MOXD1: variants seen among roughly 807,000 people sequenced by gnomAD.
MOXD1 encodes DBH-like monooxygenase protein 1.
Under a neutral mutation model 66.6 loss-of-function variants are expected in MOXD1, and 62 were observed. The observed-to-expected ratio is 0.93, with a 90% CI of 0.76 to 1.15. The LOEUF (loss-of-function observed/expected upper bound fraction) is 1.15, where lower values mean the gene tolerates loss of function less well. Ranked by LOEUF, MOXD1 falls within the 50% of genes most tolerant of loss-of-function variation. The pLI, the probability that MOXD1 is intolerant of heterozygous loss-of-function variation, is 0.00. For missense variants in MOXD1, 847 were observed against 754.6 expected (o/e 1.12, Z -1.44); for synonymous variants, 303 against 281.9 (o/e 1.07, Z -0.75).
chr6:132,326,939 A>G (rs1228182380), intron 6 of MOXD1, among the ~76,000 whole-genome samples: 2 of 152,208 alleles, frequency 1.3e-5, no homozygotes, highest in African/African-American at 2.4e-5. Flanking sequence ...TCTTTTCAAA[A>G]TACAGATCTC....
rs779104889 is a variant in MOXD1 at position 132,322,745 on chromosome 6, A to T, written c.1239T>A (p.Tyr413Ter). 1.9e-6 allele frequency: 3 copies of T among 1,614,072 alleles called. No homozygotes were observed. Among genetic ancestry groups the T allele is most frequent in the Admixed American group, 1.7e-5 (1 of 60,004 alleles). ...RKGKEMKLLA[Y>*]DDDFDFNFQE... ...GGAAATTGAAGTCAAAATCATCATC[A>T]TAGGCAAGTAATTTCATTTCCTTCC... Residue 413 changes from tyrosine to a stop codon, truncating the protein, a stop_gained, in exon 8 of 12, where the codon TAT (tyrosine) becomes TAA (stop). Coordinates refer to ENST00000367963, the MANE Select transcript of MOXD1 (RefSeq NM_015529.4). LOFTEE classifies it high-confidence loss of function.
At chr6:132,378,666 A>G (rs1312438211) in intron 1 of MOXD1, among the ~76,000 whole-genome samples, 2 of 152,108 alleles carry the variant, frequency 1.3e-5, no homozygotes, top group African/African-American at 4.8e-5. Flanking sequence ...TGAGAAACAA[A>G]GTCCTTACAA....
chr6:132,399,811 G>A (rs1421552829), intron 1 of MOXD1, among the ~76,000 whole-genome samples: 5 of 152,106 alleles, frequency 3.3e-5, no homozygotes, highest in African/African-American at 1.2e-4. Flanking sequence ...TTTAAATAAG[G>A]TATTGTCTAC....
At chr6:132,397,516 G>C (rs1369224900) in intron 1 of MOXD1, among the ~76,000 whole-genome samples, 2 of 152,100 alleles carry the variant, frequency 1.3e-5, no homozygotes, top group East Asian at 3.8e-4. Flanking sequence ...AGCTGAAATT[G>C]TGTGTGAGTG....
At chr6:132,334,371 T>C (rs2114595753) in intron 4 of MOXD1, among the ~76,000 whole-genome samples, 1 of 152,298 alleles carries the variant, frequency 6.6e-6, no homozygotes, top group South Asian at 2.1e-4. Context: ...TGTTAGCTCT[T>C]TCACACTTTT....
chr6:132,379,746 T>G (rs552411950), intron 1 of MOXD1, among the ~76,000 whole-genome samples: 2 of 152,216 alleles, frequency 1.3e-5, no homozygotes, highest in Admixed American at 6.5e-5. Flanking sequence ...TGTATTCATA[T>G]TTTACTTGAG....
chr6:132,359,648 G>A (rs1332826351), intron 4 of MOXD1, among the ~76,000 whole-genome samples: 2 of 151,898 alleles, frequency 1.3e-5, no homozygotes, highest in Non-Finnish European at 2.9e-5. Flanking sequence ...CACGAAGCCC[G>A]GCTAATTTTT....
intron 1 of MOXD1, among the ~76,000 whole-genome samples, chr6:132,378,756 C>T (rs1256174377): frequency 6.6e-6 from 1 of 151,794 alleles, no homozygotes; most frequent in African/African-American, 2.4e-5. Flanking sequence ...TAAAAACCTT[C>T]CTAAGAAAAT....
chr6:132,351,186 G>A (rs1775792946), intron 4 of MOXD1, among the ~76,000 whole-genome samples: 2 of 152,174 alleles, frequency 1.3e-5, no homozygotes, highest in South Asian at 4.1e-4. Flanking sequence ...TGCTGAAGAG[G>A]GGTGGTGAGA....
intron 4 of MOXD1, among the ~76,000 whole-genome samples, chr6:132,341,697 C>A (rs1775566628): frequency 6.6e-6 from 1 of 152,212 alleles, no homozygotes; most frequent in African/African-American, 2.4e-5. Context: ...CATTCTTACA[C>A]TTACGATTTC....
At chr6:132,321,135 G>A (rs1196210434) in intron 8 of MOXD1, among the ~76,000 whole-genome samples, 1 of 151,942 alleles carries the variant, frequency 6.6e-6, no homozygotes. Context: ...CGTGGTTGCG[G>A]GCACCTTTAA....
chr6:132,333,786 A>G (rs1281353721), intron 4 of MOXD1, among the ~76,000 whole-genome samples: 1 of 152,184 alleles, frequency 6.6e-6, no homozygotes, highest in Non-Finnish European at 1.5e-5. Flanking sequence ...TGATGGCAAA[A>G]CAGACCAGGC....
chr6:132,386,454 A>G (rs1357870969), intron 1 of MOXD1, among the ~76,000 whole-genome samples: 2 of 147,822 alleles, frequency 1.4e-5, no homozygotes, highest in Non-Finnish European at 3.0e-5. Context: ...AACAAAAAAA[A>G]AACGGGAAAA....
At chr6:132,394,497 G>T (rs1776831982) in intron 1 of MOXD1, among the ~76,000 whole-genome samples, 1 of 151,892 alleles carries the variant, frequency 6.6e-6, no homozygotes, top group African/African-American at 2.4e-5. Flanking sequence ...CCCCAAAAAA[G>T]AATTCAAAAT....
chr6:132,378,549 G>A (rs944433004), intron 1 of MOXD1, among the ~76,000 whole-genome samples: 1 of 152,088 alleles, frequency 6.6e-6, no homozygotes, highest in Non-Finnish European at 1.5e-5. Flanking sequence ...GGAATAAATA[G>A]AAAATAGATG....
chr6:132,339,344 T>C (rs1360254081), intron 4 of MOXD1, among the ~76,000 whole-genome samples: 1 of 152,116 alleles, frequency 6.6e-6, no homozygotes, highest in Non-Finnish European at 1.5e-5. Flanking sequence ...TATGAATGAA[T>C]GTTCATTCTT....
intron 6 of MOXD1, chr6:132,325,235 A>C (rs1775162899): frequency 6.6e-6 from 1 of 152,202 alleles, no homozygotes; most frequent in African/African-American, 2.4e-5. Flanking sequence ...GTGATGTGAC[A>C]ATTAAGGACA....
intron 1 of MOXD1, among the ~76,000 whole-genome samples, chr6:132,380,160 T>A (rs1230334282): frequency 6.6e-6 from 1 of 152,234 alleles, no homozygotes; most frequent in African/African-American, 2.4e-5. Flanking sequence ...TATTTCATTT[T>A]CACTGTTCCT....
At chr6:132,318,182 T>G (rs1582567111) in intron 9 of MOXD1, among the ~76,000 whole-genome samples, 1 of 152,076 alleles carries the variant, frequency 6.6e-6, no homozygotes, top group Admixed American at 6.6e-5. Context: ...ATTTCTCTCC[T>G]GAAACACATT....
Sources: gnomAD v4.1 joint callset for allele counts (sites outside exome capture counted in the v4.1 genomes callset) on GRCh38, gnomAD v4.1.1 for gene constraint, MANE v1.5 for transcripts, NCBI Gene and HGNC (gene_info 2026-07-23, HGNC 2026-07-21) for gene names.